Variants in ZNF516 observed in about 807,000 individuals in gnomAD.
ZNF516 encodes the protein zinc finger protein 516.
A neutral mutation model predicts 79.7 loss-of-function variants in ZNF516; 19 were observed. The observed-to-expected ratio is 0.24, with a 90% CI of 0.17 to 0.35. The LOEUF is 0.35. Among genes scored for constraint, ZNF516 ranks in the 10% least tolerant of loss-of-function variants. The probability of loss-of-function intolerance (pLI) is 1.00; values close to 1 mark genes in which losing one functional copy is unlikely to be tolerated. For synonymous variants in ZNF516, 877 were observed against 739.5 expected, an observed-to-expected ratio of 1.19 and a Z score of -3.02; for missense variants, 1,678 against 1,679.5, an observed-to-expected ratio of 1.00 and a Z score of 0.02.
At chr18:76,485,849 G>C (rs1599164175) in intron 1 of ZNF516, among the ~76,000 whole-genome samples, 1 of 143,344 alleles carries the variant, frequency 7.0e-6, no homozygotes, top group Non-Finnish European at 1.5e-5. Context: ...TTGTCCATTT[G>C]TTCATTAACT....
intron 1 of ZNF516, among the ~76,000 whole-genome samples, chr18:76,478,916 C>A (rs1229816668): frequency 1.3e-5 from 2 of 152,096 alleles, no homozygotes; most frequent in Non-Finnish European, 2.9e-5. Context: ...ATTAGCTGGG[C>A]ATGGTTGTGT....
chr18:76,424,911 C>T (rs1568280318), intron 3 of ZNF516, among the ~76,000 whole-genome samples: 1 of 142,970 alleles, frequency 7.0e-6, no homozygotes, highest in Non-Finnish European at 1.5e-5. Context: ...CCCCATGAAA[C>T]ACACATGCAG....
intron 3 of ZNF516, among the ~76,000 whole-genome samples, chr18:76,425,814 G>A (rs1014680939): frequency 6.6e-6 from 1 of 152,132 alleles, no homozygotes; most frequent in African/African-American, 2.4e-5. Flanking sequence ...ACGAGGGGTC[G>A]AGGTCCAGGT....
intron 3 of ZNF516, among the ~76,000 whole-genome samples, chr18:76,382,335 G>C (rs1464096188): frequency 6.6e-6 from 1 of 152,166 alleles, no homozygotes; most frequent in Non-Finnish European, 1.5e-5. Context: ...ATGGTGCTCA[G>C]TACGTTCGAC....
At chr18:76,475,072 A>C (rs1446164926) in intron 1 of ZNF516, among the ~76,000 whole-genome samples, 1 of 152,206 alleles carries the variant, frequency 6.6e-6, no homozygotes, top group Non-Finnish European at 1.5e-5. Flanking sequence ...AGGCTACCTG[A>C]ATGTTTCTGT....
At chr18:76,406,134 C>A (rs2075301637) in intron 3 of ZNF516, among the ~76,000 whole-genome samples, 1 of 152,228 alleles carries the variant, frequency 6.6e-6, no homozygotes, top group Admixed American at 6.5e-5. Context: ...TCCGGAGGCA[C>A]CGCCCGGCCT....
At chr18:76,453,744 C>T (rs2145625924) in intron 2 of ZNF516, among the ~76,000 whole-genome samples, 1 of 152,228 alleles carries the variant, frequency 6.6e-6, no homozygotes, top group African/African-American at 2.4e-5. Context: ...GCAGTGAAAA[C>T]AAAACAATGG....
intron 3 of ZNF516, among the ~76,000 whole-genome samples, chr18:76,424,482 CAT>C (rs2075560898): frequency 3.4e-5 from 5 of 146,428 alleles, no homozygotes; most frequent in African/African-American, 5.1e-5. Context: ...AAGGTTCCCA[CAT>C]GAAACACACG....
At chr18:76,491,060 C>A in intron 1 of ZNF516, 1 of 985,390 alleles carries the variant, frequency 1.0e-6, no homozygotes, top group Non-Finnish European at 1.2e-6. Flanking sequence ...AGGACCGGTT[C>A]AGGTGTGAAC....
intron 4 of ZNF516, among the ~76,000 whole-genome samples, chr18:76,377,911 T>G (rs749126746): frequency 4.6e-5 from 7 of 151,940 alleles, no homozygotes; most frequent in African/African-American, 4.8e-5. Flanking sequence ...AGATGGTGTC[T>G]CTCACTATAT....
At chr18:76,466,061 C>A (rs1330231822) in intron 1 of ZNF516, among the ~76,000 whole-genome samples, 2 of 152,200 alleles carry the variant, frequency 1.3e-5, no homozygotes, top group Non-Finnish European at 2.9e-5. Flanking sequence ...CCTCTCGATG[C>A]ATTTTCTGAT....
intron 2 of ZNF516, among the ~76,000 whole-genome samples, chr18:76,457,135 T>C (rs1049400326): frequency 6.6e-6 from 1 of 152,236 alleles, no homozygotes; most frequent in South Asian, 2.1e-4. Flanking sequence ...CGTGTGTAGG[T>C]ATATGTTTAT....
At chr18:76,410,455 C>T (rs76066243) in intron 3 of ZNF516, among the ~76,000 whole-genome samples, 2,831 of 152,236 alleles carry the variant, frequency 0.019, 48 homozygotes, top group African/African-American at 0.04. Flanking sequence ...CTTTCTGGAG[C>T]CACTGGAGGA....
chr18:76,390,762 C>A (rs1228173578), intron 3 of ZNF516, among the ~76,000 whole-genome samples: 1 of 152,162 alleles, frequency 6.6e-6, no homozygotes, highest in Non-Finnish European at 1.5e-5. Context: ...CCAGAAGCAC[C>A]GAGCGGCGGT....
In ZNF516 at chr18:76,360,390, C is replaced by T. The variant is rs1431828177; in HGVS notation, c.*2108G>A. 1 of 151,932 alleles carries T rather than the reference C, an allele frequency of 6.6e-6. No homozygotes were observed. The highest frequency in any genetic ancestry group is 1.5e-5 in the Non-Finnish European group (1 of 67,982). 9.4% of individuals were successfully genotyped at this position (151,932 alleles called of 1,614,324 possible). On this transcript the variant is annotated 3_prime_UTR_variant, in exon 7 of 7. Coordinates refer to ENST00000443185, the MANE Select transcript of ZNF516 (RefSeq NM_014643.4). Reference sequence around the variant, plus strand: ...CACTTTCAGCCAAGAAAACAAAAGCCAGAAAATGCAGAAATGATCACTGTG... The same window carrying T: ...CACTTTCAGCCAAGAAAACAAAAGCTAGAAAATGCAGAAATGATCACTGTG...
At chr18:76,486,645 T>A (rs1057291135) in intron 1 of ZNF516, among the ~76,000 whole-genome samples, 2 of 144,410 alleles carry the variant, frequency 1.4e-5, no homozygotes, top group African/African-American at 5.3e-5. Context: ...CACCAGCAAC[T>A]CCCCAGGGCG....
chr18:76,492,650 C>A (rs1599176466), intron 1 of ZNF516: 1 of 919,904 alleles, frequency 1.1e-6, no homozygotes. Context: ...ACCAAAAACG[C>A]ACCAGGGCGC....
chr18:76,447,671 C>T (rs780746016), intron 2 of ZNF516, among the ~76,000 whole-genome samples: 2 of 152,302 alleles, frequency 1.3e-5, no homozygotes, highest in South Asian at 2.1e-4. Context: ...ATGGCGCCCA[C>T]GCACCTCGGA....
chr18:76,494,514 C>T (rs368030909), intron 1 of ZNF516, among the ~76,000 whole-genome samples: 1 of 138,516 alleles, frequency 7.2e-6, no homozygotes, highest in East Asian at 2.5e-4. Context: ...ACGTTAGGGT[C>T]ACTTAGAAGC....
Sources: gnomAD v4.1 joint callset for allele counts (sites outside exome capture counted in the v4.1 genomes callset) on GRCh38, gnomAD v4.1.1 for gene constraint, MANE v1.5 for transcripts, NCBI Gene and HGNC (gene_info 2026-07-23, HGNC 2026-07-21) for gene names.